Variants in MOGAT1 observed in about 807,000 individuals in gnomAD.
MOGAT1 encodes 2-acylglycerol O-acyltransferase 1.
MOGAT1 carries 32 observed loss-of-function variants against 31.4 expected under a neutral mutation model. The observed-to-expected ratio is 1.02, with a 90% CI of 0.77 to 1.37. MOGAT1 has a LOEUF of 1.37. Among genes scored for constraint, MOGAT1 ranks in the 40% most tolerant of loss-of-function variants. MOGAT1 has a pLI of 0.00. For synonymous variants in MOGAT1, 145 were observed against 144.5 expected, an observed-to-expected ratio of 1.00 and a Z score of -0.03; for missense variants, 426 against 402.0, an observed-to-expected ratio of 1.06 and a Z score of -0.51.
At chr2:222,686,863 A>C (rs891188822) in intron 1 of MOGAT1, among the ~76,000 whole-genome samples, 2 of 152,210 alleles carry the variant, frequency 1.3e-5, no homozygotes, top group Admixed American at 1.3e-4. Context: ...CTGTAATCCC[A>C]ACACTTTGGG....
chr2:222,700,280 T>G (rs572387398), intron 5 of MOGAT1, among the ~76,000 whole-genome samples: 1 of 152,250 alleles, frequency 6.6e-6, no homozygotes, highest in African/African-American at 2.4e-5. Flanking sequence ...CCATTTGATA[T>G]CGCCCAGTTA....
At chr2:222,699,946 T>C (rs935981224) in intron 5 of MOGAT1, among the ~76,000 whole-genome samples, 3 of 152,254 alleles carry the variant, frequency 2.0e-5, no homozygotes, top group Non-Finnish European at 2.9e-5. Context: ...TAAAATGGAA[T>C]GTTAACAGAC....
intron 3 of MOGAT1, 52 bp from the exon 4 acceptor site, chr2:222,694,307 CATT>C (rs533314684): frequency 1.4e-3 from 2,053 of 1,419,710 alleles, no homozygotes; most frequent in Non-Finnish European, 1.7e-3. Context: ...TATGATAAAA[CATT>C]GTAATATTGT....
At chr2:222,709,509 A>G (rs2106048200) in intron 5 of MOGAT1, among the ~76,000 whole-genome samples, 1 of 152,292 alleles carries the variant, frequency 6.6e-6, no homozygotes, top group South Asian at 2.1e-4. Flanking sequence ...AGTCAAAACC[A>G]CCAGGGTCCC....
chr2:222,674,551 AC>A (rs1256564271), intron 1 of MOGAT1, among the ~76,000 whole-genome samples: 5 of 152,136 alleles, frequency 3.3e-5, no homozygotes, highest in Admixed American at 1.3e-4. Context: ...TTATTTCATC[AC>A]CACAATAATT....
chr2:222,700,065 T>C (rs1288330370), intron 5 of MOGAT1, among the ~76,000 whole-genome samples: 1 of 152,254 alleles, frequency 6.6e-6, no homozygotes, highest in African/African-American at 2.4e-5. Context: ...CCATTTTTGA[T>C]CTCTTATATG....
chr2:222,676,331 T>C (rs915516813), intron 1 of MOGAT1, among the ~76,000 whole-genome samples: 1 of 152,192 alleles, frequency 6.6e-6, no homozygotes, highest in Non-Finnish European at 1.5e-5. Flanking sequence ...TTGCATTTTC[T>C]AGAGTTTTGT....
At chr2:222,699,490 C>CTTTTTTTTTTTTTTTTTT (rs1159264071) in intron 5 of MOGAT1, 1 of 77,682 alleles carries the variant, frequency 1.3e-5, no homozygotes, top group African/African-American at 5.5e-5. Context: ...GGAGATATTT[C>CTTTTTTTTTTTTTTTTTT]TTTTTTTTTT....
In MOGAT1 at chr2:222,695,152, T is replaced by A. The variant is rs764692755; in HGVS notation, c.717T>A (p.Pro239=). The stretch of plus-strand genomic sequence containing the variant: ...AACTGTTTAAACAAACTGACAACCC[T>A]GAAGGATCATGGATTAGAACTGTTC... ...ENELFKQTDN[P]EGSWIRTVQN... Residue 239 remains proline, a synonymous_variant, in exon 5 of 6, where the codon CCT becomes CCA. Transcript: ENST00000446656. 6.2e-7 allele frequency: 1 copy of A among 1,613,496 alleles called. No individual in the cohort carries two copies. The highest frequency in any genetic ancestry group is 8.5e-7 in the Non-Finnish European group (1 of 1,179,644).
intron 1 of MOGAT1, among the ~76,000 whole-genome samples, chr2:222,672,609 G>A (rs59699183): frequency 0.11 from 17,069 of 152,038 alleles, 1,033 homozygotes; most frequent in African/African-American, 0.13. Flanking sequence ...AAGTAAATAG[G>A]GGTGATGTGG....
intron 2 of MOGAT1, 94 bp downstream of exon 2, chr2:222,688,616 G>A (rs568302356): frequency 9.1e-6 from 8 of 875,716 alleles, no homozygotes; most frequent in African/African-American, 1.7e-5. Context: ...TTTTTCAGAG[G>A]GGATGTCTTA....
At chr2:222,673,465 C>A (rs1193181009) in intron 1 of MOGAT1, among the ~76,000 whole-genome samples, 1 of 152,024 alleles carries the variant, frequency 6.6e-6, no homozygotes, top group Non-Finnish European at 1.5e-5. Flanking sequence ...TTGGTATGTG[C>A]CAGGTGCTGT....
At chr2:222,688,556 AT>A in intron 2 of MOGAT1, 34 bp downstream of exon 2, 1 of 1,488,870 alleles carries the variant, frequency 6.7e-7, no homozygotes, top group East Asian at 2.3e-5. Context: ...TATTATTTTG[AT>A]TTAGGAGAAG....
chr2:222,698,220 G>A (rs1692865107), intron 5 of MOGAT1, among the ~76,000 whole-genome samples: 1 of 152,230 alleles, frequency 6.6e-6, no homozygotes, highest in African/African-American at 2.4e-5. Context: ...TCATGGACTA[G>A]TTGACCGTCA....
chr2:222,672,066 A>C (rs1027473276), intron 1 of MOGAT1, among the ~76,000 whole-genome samples, 187 bp downstream of exon 1: 2 of 152,092 alleles, frequency 1.3e-5, no homozygotes, highest in Non-Finnish European at 2.9e-5. Context: ...ATCGCTAACG[A>C]CTGTTTAATT....
In MOGAT1 at chr2:222,705,419, A is replaced by G. The variant is rs116164719; in HGVS notation, c.854-4317A>G. 4.5e-3 allele frequency among the ~76,000 whole-genome samples: 680 copies of G among 152,286 alleles called. 5 individuals are homozygous for G. The highest frequency in any genetic ancestry group is 0.027 in the Middle Eastern group (8 of 294). On this transcript the variant is annotated intron_variant, in intron 5 of 5. Transcript: ENST00000446656. Reference sequence around the variant, plus strand: ...TGCACTGATTCCAGTGCCTCCGACAATAGGGCTAGGATTTGAAGCAAGCTA... The same window carrying G: ...TGCACTGATTCCAGTGCCTCCGACAGTAGGGCTAGGATTTGAAGCAAGCTA...
chr2:222,677,842 A>ACGGGT (rs1316371582), intron 1 of MOGAT1: 1 of 255,858 alleles, frequency 3.9e-6, no homozygotes, highest in Non-Finnish European at 8.2e-6. Flanking sequence ...ATGCTGCCTT[A>ACGGGT]AGTTGCCGTA....
intron 1 of MOGAT1, among the ~76,000 whole-genome samples, chr2:222,676,632 G>T (rs1460855797): frequency 6.6e-6 from 1 of 152,160 alleles, no homozygotes; most frequent in Non-Finnish European, 1.5e-5. Context: ...TTATATGACA[G>T]TTGCAGGTTT....
chr2:222,688,467 G>T lies in MOGAT1; in HGVS notation c.218G>T (p.Ser73Ile), dbSNP rs138190910. The change falls in exon 2 of 6, where the codon AGC becomes ATC. Residue 73 changes from serine (S) to isoleucine (I), a missense_variant. Physicochemically the swap from Ser to Ile is moderately radical, Grantham distance 142. Coordinates refer to ENST00000446656, the MANE Select transcript of MOGAT1 (RefSeq NM_058165.3). ...HTPERGGRRS[S>I]WIKNWTLWKH... ...CCAGAGCGAGGAGGCAGGAGATCCA[G>T]CTGGATCAAAAATTGGACTCTTTGG... is the stretch of plus-strand genomic sequence containing the variant. 1.7e-4 allele frequency: 277 copies of T among 1,613,700 alleles called. No individual in the cohort carries two copies. In the East Asian group the frequency reaches 6.0e-3, roughly 35 times the overall value.
Sources: gnomAD v4.1 joint callset for allele counts (sites outside exome capture counted in the v4.1 genomes callset) on GRCh38, gnomAD v4.1.1 for gene constraint, MANE v1.5 for transcripts, NCBI Gene and HGNC (gene_info 2026-07-23, HGNC 2026-07-21) for gene names.